LPP: variants seen among roughly 807,000 people sequenced by gnomAD.
The protein encoded by LPP is LIM domain containing preferred translocation partner in lipoma.
In LPP, 38 loss-of-function variants were observed where a neutral mutation model predicts 60.4. The observed-to-expected ratio is 0.63, with a 90% confidence interval of 0.49 to 0.83. The LOEUF is 0.83. Ranked by LOEUF, LPP falls within the 40% of genes least tolerant of loss-of-function variation. LPP has a pLI of 0.00. For synonymous variants in LPP, 328 were observed against 290.8 expected, an observed-to-expected ratio of 1.13 and a Z score of -1.30; for missense variants, 902 against 783.6, an observed-to-expected ratio of 1.15 and a Z score of -1.80.
chr3:188,250,940 T>C (rs1376714817), intron 2 of LPP, among the ~76,000 whole-genome samples: 1 of 22,830 alleles, frequency 4.4e-5, no homozygotes, highest in Non-Finnish European at 7.8e-5. Context: ...TTCCCTTCCC[T>C]TCCCTTCCCT....
chr3:188,639,007 A>G (rs1316303494), intron 7 of LPP, among the ~76,000 whole-genome samples: 188 of 151,202 alleles, frequency 1.2e-3, no homozygotes, highest in African/African-American at 4.3e-3. Flanking sequence ...CAGAATTGGA[A>G]AAAACTACTT....
intron 9 of LPP, among the ~76,000 whole-genome samples, chr3:188,819,234 G>A (rs550549124): frequency 3.5e-4 from 53 of 152,066 alleles, no homozygotes; most frequent in African/African-American, 1.3e-3. Context: ...TGAAGTTTGG[G>A]CTTCTATCGA....
At chr3:188,553,621 G>A (rs1560555771) in intron 6 of LPP, 1 of 152,186 alleles carries the variant, frequency 6.6e-6, no homozygotes, top group Non-Finnish European at 1.5e-5. Flanking sequence ...GTTAACTTGT[G>A]TGTTTGTTCA....
chr3:188,843,883 G>T (rs1373020189), intron 9 of LPP, among the ~76,000 whole-genome samples: 1 of 151,616 alleles, frequency 6.6e-6, no homozygotes, highest in East Asian at 1.9e-4. Context: ...CCAAAGCATT[G>T]GATTACTTGA....
intron 9 of LPP, among the ~76,000 whole-genome samples, chr3:188,766,388 A>AG (rs1553839962): frequency 1.3e-5 from 2 of 150,892 alleles, no homozygotes; most frequent in African/African-American, 4.9e-5. Flanking sequence ...CAAAAAAAAA[A>AG]GGTTAAAAAT....
At chr3:188,736,670 CAGAT>C (rs547388580) in intron 8 of LPP, among the ~76,000 whole-genome samples, 30 of 151,308 alleles carry the variant, frequency 2.0e-4, no homozygotes, top group Non-Finnish European at 2.9e-4. Context: ...GGATAAATAT[CAGAT>C]GGATGGATGG....
intron 6 of LPP, among the ~76,000 whole-genome samples, chr3:188,551,055 C>T (rs1827994151): frequency 6.6e-6 from 1 of 152,076 alleles, no homozygotes; most frequent in Admixed American, 6.6e-5. Flanking sequence ...GGAGAGAGAT[C>T]AAATTCTGGT....
intron 7 of LPP, among the ~76,000 whole-genome samples, chr3:188,700,395 A>G (rs1159023128): frequency 1.3e-5 from 2 of 152,210 alleles, no homozygotes; most frequent in Admixed American, 1.3e-4. Context: ...GTGGGTATCC[A>G]TTTTGTAAAT....
chr3:188,298,179 C>T (rs2150116408), intron 2 of LPP, among the ~76,000 whole-genome samples: 1 of 152,288 alleles, frequency 6.6e-6, no homozygotes, highest in East Asian at 1.9e-4. Flanking sequence ...GTAGCAAGCC[C>T]AATGAGCTCC....
At chr3:188,541,226 G>A (rs948796560) in intron 6 of LPP, among the ~76,000 whole-genome samples, 1 of 152,154 alleles carries the variant, frequency 6.6e-6, no homozygotes. Context: ...TTGACCTGGA[G>A]GGCTTGTTAA....
At chr3:188,521,359 A>T (rs1426669977) in intron 5 of LPP, among the ~76,000 whole-genome samples, 1 of 152,118 alleles carries the variant, frequency 6.6e-6, no homozygotes, top group African/African-American at 2.4e-5. Context: ...ACAAGCACAG[A>T]CTGGTTGCAT....
At chr3:188,512,581 A>AAAT (rs1286023498) in intron 5 of LPP, among the ~76,000 whole-genome samples, 5 of 151,468 alleles carry the variant, frequency 3.3e-5, no homozygotes, top group South Asian at 4.2e-4. Flanking sequence ...ATAAATAAAT[A>AAAT]AATAAATAAA....
At chr3:188,645,098 TCA>T (rs1300621505) in intron 7 of LPP, among the ~76,000 whole-genome samples, 3 of 152,214 alleles carry the variant, frequency 2.0e-5, no homozygotes, top group Non-Finnish European at 4.4e-5. Flanking sequence ...TAGTATGTAC[TCA>T]GTTACTGGTT....
intron 3 of LPP, among the ~76,000 whole-genome samples, chr3:188,378,092 C>T (rs1022864826): frequency 1.1e-4 from 17 of 152,292 alleles, no homozygotes; most frequent in East Asian, 3.9e-4. Context: ...AGTACCCGGC[C>T]GTGTGAGGTG....
At chr3:188,588,440 G>C (rs773861844) in intron 6 of LPP, among the ~76,000 whole-genome samples, 24 of 152,088 alleles carry the variant, frequency 1.6e-4, no homozygotes, top group Non-Finnish European at 2.8e-4. Flanking sequence ...TTCACAATCT[G>C]TCCTGGTCTA....
intron 7 of LPP, among the ~76,000 whole-genome samples, chr3:188,664,086 G>T (rs542619068): frequency 1.2e-4 from 18 of 152,282 alleles, no homozygotes; most frequent in African/African-American, 4.3e-4. Context: ...ACCACATATT[G>T]TCACTTGTCA....
At chr3:188,602,040 C>A in intron 6 of LPP, among the ~76,000 whole-genome samples, 1 of 145,650 alleles carries the variant, frequency 6.9e-6, no homozygotes, top group Admixed American at 7.0e-5. Context: ...TGCACTCCAG[C>A]CTGGGTGACA....
At chr3:188,642,860 C>T (rs984398742) in intron 7 of LPP, among the ~76,000 whole-genome samples, 9 of 151,998 alleles carry the variant, frequency 5.9e-5, no homozygotes, top group South Asian at 2.1e-4. Flanking sequence ...TGCTTGAACC[C>T]GGGATGCAGA....
intron 7 of LPP, among the ~76,000 whole-genome samples, chr3:188,675,682 A>G (rs1362137144): frequency 2.0e-5 from 3 of 152,206 alleles, no homozygotes; most frequent in African/African-American, 7.2e-5. Flanking sequence ...CAGGGATTGA[A>G]CTGGATGAAT....
Sources: gnomAD v4.1 joint callset for allele counts (sites outside exome capture counted in the v4.1 genomes callset) on GRCh38, gnomAD v4.1.1 for gene constraint, MANE v1.5 for transcripts, NCBI Gene and HGNC (gene_info 2026-07-23, HGNC 2026-07-21) for gene names.